Variants in DNMT3B observed in about 807,000 individuals in gnomAD.
The protein encoded by DNMT3B is DNA methyltransferase 3 beta.
In DNMT3B, 37 loss-of-function variants were observed where a neutral mutation model predicts 120.2. The ratio of observed to expected loss-of-function variants is 0.31; its 90% confidence interval spans 0.24 to 0.40. The LOEUF (loss-of-function observed/expected upper bound fraction) is 0.40. DNMT3B is among the 10% of genes least tolerant of loss of function. DNMT3B has a pLI of 1.00. For synonymous variants in DNMT3B, 412 were observed against 442.8 expected, an observed-to-expected ratio of 0.93 and a Z score of 0.87; for missense variants, 878 against 1,137.3, an observed-to-expected ratio of 0.77 and a Z score of 3.28.
At chr20:32,805,508 C>G (rs781623717) in intron 21 of DNMT3B, 101 bp downstream of exon 21, 5 of 1,372,684 alleles carry the variant, frequency 3.6e-6, no homozygotes, top group African/African-American at 2.8e-5. Context: ...CTCCTCCCCC[C>G]ACGTGACTTC....
intron 10 of DNMT3B, 62 bp from the exon 11 acceptor site, chr20:32,795,347 G>A: frequency 6.2e-7 from 1 of 1,611,646 alleles, no homozygotes; most frequent in Non-Finnish European, 8.5e-7. Flanking sequence ...TCTTGTCCTG[G>A]GCCCGCATTC....
Position 32,762,394 on chromosome 20 carries a change from CG to C in DNMT3B, c.-311del, listed in dbSNP as rs1435119967. On this transcript the variant is annotated 5_prime_UTR_variant, in exon 1 of 23. Coordinates refer to ENST00000328111, the MANE Select transcript of DNMT3B (RefSeq NM_006892.4). ...GCACCGCCCCCTCCCCACCCACTCC[CG>C]CTGCCCCGTCCGGCCCGCGCCGCTT... is the stretch of plus-strand genomic sequence containing the variant. The C allele has an allele frequency of 6.5e-6, 1 of 154,100 alleles. No homozygotes were observed. Among genetic ancestry groups the C allele is most frequent in the East Asian group, 1.9e-4 (1 of 5,218 alleles). The allele number at this position is 154,100 out of a possible 1,614,324, so 9.5% of individuals were successfully genotyped here.
intron 7 of DNMT3B, among the ~76,000 whole-genome samples, chr20:32,789,845 C>T (rs143438466): frequency 0.026 from 4,001 of 152,342 alleles, 92 homozygotes; most frequent in Middle Eastern, 0.051. Flanking sequence ...CCACCCGCCT[C>T]GGCCTCCCAG....
Position 32,788,938 on chromosome 20 carries a change from A to G in DNMT3B, c.739A>G (p.Lys247Glu), listed in dbSNP as rs780710615. ...SWWPAMVVSW[K>E]ATSKRQAMSG... Reference sequence around the variant, plus strand: ...GTGGCCCGCCATGGTGGTGTCTTGGAAGGCCACCTCCAAGCGACAGGCTAT... The same window carrying G: ...GTGGCCCGCCATGGTGGTGTCTTGGGAGGCCACCTCCAAGCGACAGGCTAT... The change falls in exon 7 of 23, where the codon AAG becomes GAG. Residue 247 changes from lysine to glutamate, a missense_variant. This residue lies in a region of DNMT3B where 50 missense variants were observed against 89.7 expected (regional missense o/e 0.56). Transcript: ENST00000328111. The G allele has an allele frequency of 1.8e-5, 29 of 1,613,942 alleles. No individual in the cohort carries two copies. In the South Asian group the frequency reaches 3.0e-4, roughly 16 times the overall value.
intron 1 of DNMT3B, 188 bp from the exon 2 acceptor site, chr20:32,780,130 T>G (rs1401100427): frequency 6.2e-7 from 1 of 1,613,602 alleles, no homozygotes; most frequent in East Asian, 2.2e-5. Context: ...AACCAAGTCC[T>G]GAGCCTCCAA....
chr20:32,804,339 G>C (rs76374770), intron 20 of DNMT3B, among the ~76,000 whole-genome samples: 2,890 of 152,250 alleles, frequency 0.019, 89 homozygotes, highest in African/African-American at 0.065. Context: ...TGGGCCCTCA[G>C]CTCCCCTGGG....
chr20:32,769,421 G>A (rs1987585159), intron 1 of DNMT3B, among the ~76,000 whole-genome samples: 2 of 152,152 alleles, frequency 1.3e-5, no homozygotes, highest in Admixed American at 1.3e-4. Flanking sequence ...ACCTCTGCCA[G>A]CACATGGCTG....
chr20:32,767,746 T>C (rs979626284), intron 1 of DNMT3B, among the ~76,000 whole-genome samples: 5 of 152,242 alleles, frequency 3.3e-5, no homozygotes, highest in African/African-American at 9.6e-5. Context: ...CTCATGTTCT[T>C]GTCCAGAGCC....
chr20:32,799,356 T>G (rs1027649668), intron 16 of DNMT3B, 28 bp downstream of exon 16: 5 of 1,603,818 alleles, frequency 3.1e-6, no homozygotes, highest in Non-Finnish European at 3.4e-6. Flanking sequence ...CTGGAGACAC[T>G]GCTATCGTGT....
At position 32,808,345 on chromosome 20, in the gene DNMT3B, G is replaced by C. The variant is rs976188338; in HGVS notation, c.*442G>C. 1.3e-5 allele frequency: 4 copies of C among 310,302 alleles called. No individual in the cohort carries two copies. The highest frequency in any genetic ancestry group is 8.5e-5 in the African/African-American group (4 of 47,256). 19.2% of individuals were successfully genotyped at this position (310,302 alleles called of 1,614,324 possible). A position where few individuals can be genotyped will look rare whatever the true frequency, so the allele number is the denominator to read the frequency against. Reference sequence around the variant, plus strand: ...GTTTAATTTTTGAAAACTGGCTACTGCTCTGTGTTTACAGACGTGTGCAGT... The same window carrying C: ...GTTTAATTTTTGAAAACTGGCTACTCCTCTGTGTTTACAGACGTGTGCAGT... On this transcript the variant is annotated 3_prime_UTR_variant, in exon 23 of 23. Transcript: ENST00000328111.
chr20:32,780,162 G>T (rs573451454), intron 1 of DNMT3B, 156 bp from the exon 2 acceptor site: 2 of 1,613,508 alleles, frequency 1.2e-6, no homozygotes, highest in South Asian at 1.1e-5. Context: ...GGGAGGCTAT[G>T]GGGGGCAGCC....
chr20:32,790,531 T>TC (rs538088775), intron 7 of DNMT3B, among the ~76,000 whole-genome samples: 3 of 124,386 alleles, frequency 2.4e-5, no homozygotes, highest in Non-Finnish European at 5.2e-5. Context: ...TGGAGCGGTT[T>TC]CCCCCCACCA....
At chr20:32,782,739 A>G (rs944867982) in intron 3 of DNMT3B, among the ~76,000 whole-genome samples, 4 of 44,382 alleles carry the variant, frequency 9.0e-5, no homozygotes, top group African/African-American at 4.4e-4. Flanking sequence ...AGACAAAAAC[A>G]GAGCACATAT....
intron 1 of DNMT3B, among the ~76,000 whole-genome samples, chr20:32,777,707 A>G (rs1988136308): frequency 6.6e-6 from 1 of 152,164 alleles, no homozygotes; most frequent in African/African-American, 2.4e-5. Context: ...AACGCTTGAA[A>G]TTAATGATTA....
intron 3 of DNMT3B, among the ~76,000 whole-genome samples, chr20:32,783,081 T>G (rs1312771355): frequency 1.3e-5 from 2 of 152,030 alleles, no homozygotes; most frequent in African/African-American, 4.8e-5. Context: ...TGGACCACCA[T>G]ACCCAGCCAA....
rs771221218 is a variant in DNMT3B at position 32,784,891 on chromosome 20, G to T, written c.306+32G>T. ...AGCCACACCTCGAGCCAAAGCACTT[G>T]TGGCCAACACTCTACATAGCATACA... is the stretch of plus-strand genomic sequence containing the variant. On this transcript the variant is annotated intron_variant, in intron 4 of 22. Coordinates refer to ENST00000328111, the MANE Select transcript of DNMT3B (RefSeq NM_006892.4). 3.0e-5 allele frequency: 48 copies of T among 1,607,510 alleles called. No individual in the cohort carries two copies. The East Asian group carries it at 9.6e-4, about 32-fold the overall frequency.
chr20:32,766,453 T>G (rs1987374372), intron 1 of DNMT3B, among the ~76,000 whole-genome samples: 1 of 152,144 alleles, frequency 6.6e-6, no homozygotes, highest in African/African-American at 2.4e-5. Flanking sequence ...CAACGATCCT[T>G]CTGCCTCAGC....
At chr20:32,777,335 G>A (rs1988116005) in intron 1 of DNMT3B, among the ~76,000 whole-genome samples, 1 of 152,134 alleles carries the variant, frequency 6.6e-6, no homozygotes, top group Non-Finnish European at 1.5e-5. Context: ...TGAGGCCCTG[G>A]GGGAAGGCCC....
chr20:32,801,018 T>C (rs1981271215), intron 18 of DNMT3B, 93 bp downstream of exon 18: 1 of 1,485,074 alleles, frequency 6.7e-7, no homozygotes. Context: ...CACTTGCTTC[T>C]GGCCAAGTTA....
Sources: allele counts gnomAD v4.1 joint callset (sites outside exome capture counted in the v4.1 genomes callset), GRCh38; gene constraint gnomAD v4.1.1; regional missense constraint gnomAD v4.1.1; transcripts MANE v1.5; gene names NCBI Gene and HGNC (gene_info 2026-07-23, HGNC 2026-07-21).